Variants in ARNT observed in about 807,000 individuals in gnomAD.
The protein encoded by ARNT is aryl hydrocarbon receptor nuclear translocator, also known as class E basic helix-loop-helix protein 2.
Under a neutral mutation model 105.0 loss-of-function variants are expected in ARNT, and 30 were observed. The observed-to-expected ratio is 0.29, with a 90% CI of 0.21 to 0.39. The LOEUF (loss-of-function observed/expected upper bound fraction) is 0.39, where lower values mean the gene tolerates loss of function less well. ARNT is among the 10% of genes least tolerant of loss of function. The pLI is 1.00. For missense variants in ARNT, 748 were observed against 978.7 expected, an observed-to-expected ratio of 0.76 and a Z score of 3.15; for synonymous variants, 304 against 344.0, an observed-to-expected ratio of 0.88 and a Z score of 1.29.
At chr1:150,834,246 C>T (rs1185108408) in intron 8 of ARNT, among the ~76,000 whole-genome samples, 1 of 152,080 alleles carries the variant, frequency 6.6e-6, no homozygotes, top group Non-Finnish European at 1.5e-5. Context: ...TGGCCAAGTT[C>T]ATTTCTTTAT....
At chr1:150,829,821 A>G in intron 11 of ARNT, 83 bp downstream of exon 11, 1 of 1,434,702 alleles carries the variant, frequency 7.0e-7, no homozygotes, top group Non-Finnish European at 9.7e-7. Context: ...TGTATTCAGA[A>G]AGTAAAAGAA....
In ARNT at chr1:150,810,648, A is replaced by G; in HGVS notation, c.*1373T>C. On this transcript the variant is annotated 3_prime_UTR_variant, in exon 22 of 22. Coordinates refer to ENST00000358595, the MANE Select transcript of ARNT (RefSeq NM_001668.4). ...AAGCCAATTTAAAAAAAAAAAAAAA[A>G]AAGCTGGTATCTACGACTGTTACCT... is the stretch of plus-strand genomic sequence containing the variant. 1 of 215,582 alleles carries G rather than the reference A, an allele frequency of 4.6e-6. No individual in the cohort carries two copies. The highest frequency in any genetic ancestry group is 9.4e-6 in the Non-Finnish European group (1 of 106,628). 13.4% of individuals were successfully genotyped at this position (215,582 alleles called of 1,614,324 possible).
chr1:150,830,436 A>T (rs1659160794), intron 10 of ARNT: 1 of 154,126 alleles, frequency 6.5e-6, no homozygotes, highest in Admixed American at 6.4e-5. Context: ...GATAAATAAG[A>T]ATAAACAAGT....
At chr1:150,866,354 T>G (rs980079620) in intron 1 of ARNT, among the ~76,000 whole-genome samples, 1 of 152,196 alleles carries the variant, frequency 6.6e-6, no homozygotes, top group Non-Finnish European at 1.5e-5. Flanking sequence ...CCTGAATCTT[T>G]TGAATGTGAA....
intron 3 of ARNT, among the ~76,000 whole-genome samples, chr1:150,848,500 T>A (rs1256945188): frequency 6.6e-6 from 1 of 151,894 alleles, no homozygotes; most frequent in Non-Finnish European, 1.5e-5. Context: ...AAAACGAAGA[T>A]GTGCTTTCAC....
At chr1:150,855,968 G>C (rs1466473013) in intron 2 of ARNT, among the ~76,000 whole-genome samples, 1 of 152,032 alleles carries the variant, frequency 6.6e-6, no homozygotes, top group East Asian at 1.9e-4. Context: ...GTGTGTGCGT[G>C]TGTATTGCTT....
At chr1:150,853,321 T>C (rs1048986573) in intron 2 of ARNT, 1 of 324,156 alleles carries the variant, frequency 3.1e-6, no homozygotes, top group Non-Finnish European at 6.0e-6. Context: ...GAAACAAAAG[T>C]ACCTTCTGCT....
At position 150,870,711 on chromosome 1, in the gene ARNT, G is replaced by A. The variant is rs1421805203; in HGVS notation, c.25+5832C>T. On this transcript the variant is annotated intron_variant, in intron 1 of 21. Transcript: ENST00000358595. ...TTTTGTACAGATGGGGTTTCACCAC[G>A]TTGCCCAGGCTGGTCTCAAACTTTT... 5.9e-5 allele frequency among the ~76,000 whole-genome samples: 9 copies of A among 151,746 alleles called. No homozygotes were observed. The East Asian group carries it at 1.6e-3, about 26-fold the overall frequency.
chr1:150,873,158 G>A (rs1300531040), intron 1 of ARNT, among the ~76,000 whole-genome samples: 7 of 151,606 alleles, frequency 4.6e-5, no homozygotes, highest in African/African-American at 1.5e-4. Flanking sequence ...GCGTGGTGGC[G>A]GGTACCTGTA....
At position 150,852,750 on chromosome 1, in the gene ARNT, T is replaced by G; in HGVS notation, c.182+12A>C. ...ATATCAGACATCTAAGGAAAGTTTT[T>G]CAGTCTCTTACCTCAAAAATTTACT... is the stretch of plus-strand genomic sequence containing the variant. On this transcript the variant is annotated intron_variant, in intron 3 of 21. Transcript: ENST00000358595. 1 of 1,607,220 alleles carries G rather than the reference T, an allele frequency of 6.2e-7. No homozygotes were observed. Among genetic ancestry groups the G allele is most frequent in the Non-Finnish European group, 8.5e-7 (1 of 1,176,676 alleles).
intron 1 of ARNT, among the ~76,000 whole-genome samples, chr1:150,870,371 T>C (rs587614874): frequency 1.3e-5 from 2 of 152,344 alleles, no homozygotes; most frequent in African/African-American, 4.8e-5. Flanking sequence ...TTTACATTCA[T>C]TTTTATTCCA....
At chr1:150,863,051 A>C (rs1231819793) in intron 1 of ARNT, among the ~76,000 whole-genome samples, 2 of 128,986 alleles carry the variant, frequency 1.6e-5, no homozygotes, top group Non-Finnish European at 3.5e-5. Context: ...ATTCCGTCTC[A>C]AAAAAAAAAA....
intron 2 of ARNT, among the ~76,000 whole-genome samples, chr1:150,856,557 G>A (rs1200749813): frequency 6.6e-6 from 1 of 151,972 alleles, no homozygotes; most frequent in Non-Finnish European, 1.5e-5. Flanking sequence ...GAGGTCAGGA[G>A]TTCGAGACCA....
At chr1:150,863,397 A>G (rs377528777) in intron 1 of ARNT, among the ~76,000 whole-genome samples, 1 of 152,034 alleles carries the variant, frequency 6.6e-6, no homozygotes, top group East Asian at 1.9e-4. Flanking sequence ...AGAGAAGATA[A>G]TCCTGGTTTA....
rs1174910623 is a variant in ARNT at position 150,810,694 on chromosome 1, G to T, written c.*1327C>A. ...TACCTGAGGAAGGTAAAGGGTGAGGGTAGTAACCTGTATCCGCATTTATAT... is the reference window on the plus strand; with the variant it reads ...TACCTGAGGAAGGTAAAGGGTGAGGTTAGTAACCTGTATCCGCATTTATAT... On this transcript the variant is annotated 3_prime_UTR_variant, in exon 22 of 22. Coordinates refer to ENST00000358595, the MANE Select transcript of ARNT (RefSeq NM_001668.4). The T allele has an allele frequency of 4.6e-6, 1 of 219,494 alleles. No individual in the cohort carries two copies. The highest frequency in any genetic ancestry group is 2.2e-5 in the African/African-American group (1 of 44,500). The allele number at this position is 219,494 out of a possible 1,614,324, so 13.6% of individuals were successfully genotyped here.
At chr1:150,855,719 T>A (rs587622521) in intron 2 of ARNT, among the ~76,000 whole-genome samples, 4 of 149,172 alleles carry the variant, frequency 2.7e-5, no homozygotes, top group African/African-American at 9.9e-5. Context: ...CTGGTCAACG[T>A]AGTGAGACCA....
rs1269872697 is a variant in ARNT at position 150,815,553 on chromosome 1, G to GA, written c.1950+705dup. On this transcript the variant is annotated intron_variant, in intron 19 of 21. Transcript: ENST00000358595. ...GCAACAAAGTGACAGTCTGTCTCAA[G>GA]AAAAAAAAAAAAAAAGAATTTTTCA... Among the ~76,000 whole-genome samples the GA allele has an allele frequency of 9.6e-3, 793 of 82,612 alleles. 3 individuals are homozygous for GA. The highest frequency in any genetic ancestry group is 0.013 in the Non-Finnish European group (521 of 40,320). 54.2% of individuals were successfully genotyped at this position (82,612 alleles called of 152,430 possible). A position where few individuals can be genotyped will look rare whatever the true frequency, so the allele number is the denominator to read the frequency against.
Position 150,811,217 on chromosome 1 carries a change from G to C in ARNT, c.*804C>G. On this transcript the variant is annotated 3_prime_UTR_variant, in exon 22 of 22. Coordinates refer to ENST00000358595, the MANE Select transcript of ARNT (RefSeq NM_001668.4). ...TGAATGTGTTCGATAACAGACAATCGTATCAACAGCCGACTTTCTATATTT... is the reference window on the plus strand; with the variant it reads ...TGAATGTGTTCGATAACAGACAATCCTATCAACAGCCGACTTTCTATATTT... The C allele has an allele frequency of 4.3e-6, 1 of 233,606 alleles. No individual in the cohort carries two copies. The highest frequency in any genetic ancestry group is 6.0e-5 in the East Asian group (1 of 16,708). The allele number at this position is 233,606 out of a possible 1,614,324, so 14.5% of individuals were successfully genotyped here.
At position 150,816,318 on chromosome 1, in the gene ARNT, G is replaced by C; in HGVS notation, c.1891C>G (p.Pro631Ala). Residue 631 changes from proline to alanine, a missense_variant, in exon 19 of 22, where the codon CCC becomes GCC. Physicochemically the swap from Pro to Ala is conservative, Grantham distance 27. Coordinates refer to ENST00000358595, the MANE Select transcript of ARNT (RefSeq NM_001668.4). ...CAAGTTGGGGTTGCTCCTTGGGTGG[G>C]GTTGGAGTGGCGGGAAATCTGGGCC... ...MLAQISRHSN[P>A]TQGATPTWTP... 3 of 1,607,606 alleles carry C rather than the reference G, an allele frequency of 1.9e-6. No homozygotes were observed. The highest frequency in any genetic ancestry group is 2.5e-6 in the Non-Finnish European group (3 of 1,178,274).
Sources: gnomAD v4.1 joint callset for allele counts (sites outside exome capture counted in the v4.1 genomes callset) on GRCh38, gnomAD v4.1.1 for gene constraint, MANE v1.5 for transcripts, NCBI Gene and HGNC (gene_info 2026-07-23, HGNC 2026-07-21) for gene names.